The following UBXN7 variants were observed in gnomAD, a reference collection of about 807,000 sequenced individuals.
UBXN7 encodes the protein UBX domain protein 7.
Under a neutral mutation model 58.0 loss-of-function variants are expected in UBXN7, and 9 were observed. That is an observed-to-expected ratio of 0.16 (90% CI 0.09 to 0.27). UBXN7 has a LOEUF of 0.27. Ranked by LOEUF, UBXN7 falls within the 10% of genes least tolerant of loss-of-function variation. The probability of loss-of-function intolerance (pLI) is 1.00; values close to 1 mark genes in which losing one functional copy is unlikely to be tolerated. For missense variants in UBXN7, 328 were observed against 599.6 expected (o/e 0.55, Z 4.73); for synonymous variants, 208 against 205.0 (o/e 1.01, Z -0.12).
rs1728343541 is a variant in UBXN7 at position 196,356,239 on chromosome 3, G to C, written c.*446C>G. ...ATTTCTTCTCCCTGCTAAACACGGG[G>C]ACTTACAAAAAAGGGAGGGTTGTTC... On this transcript the variant is annotated 3_prime_UTR_variant, in exon 11 of 11. Coordinates refer to ENST00000296328, the MANE Select transcript of UBXN7 (RefSeq NM_015562.2). 1 of 153,032 alleles carries C rather than the reference G, an allele frequency of 6.5e-6. No homozygotes were observed. The highest frequency in any genetic ancestry group is 2.4e-5 in the African/African-American group (1 of 41,408). 9.5% of individuals were successfully genotyped at this position (153,032 alleles called of 1,614,324 possible).
chr3:196,422,055 C>T (rs1313752858), intron 1 of UBXN7, among the ~76,000 whole-genome samples: 2 of 151,900 alleles, frequency 1.3e-5, no homozygotes, highest in Non-Finnish European at 2.9e-5. Flanking sequence ...CAAAAATTAT[C>T]CAGGCAAGGT....
At chr3:196,366,009 C>T (rs769585972) in intron 8 of UBXN7, among the ~76,000 whole-genome samples, 9 of 151,976 alleles carry the variant, frequency 5.9e-5, no homozygotes, top group African/African-American at 1.2e-4. Context: ...AAGCAGAAAA[C>T]GACATTATAA....
At chr3:196,357,427 C>CAGGCT (rs1728379736) in intron 10 of UBXN7, among the ~76,000 whole-genome samples, 3 of 152,076 alleles carry the variant, frequency 2.0e-5, no homozygotes. Flanking sequence ...GATTCATTCA[C>CAGGCT]AGGCTAAGCT....
chr3:196,374,131 A>C (rs1728921232), intron 5 of UBXN7, among the ~76,000 whole-genome samples: 1 of 152,240 alleles, frequency 6.6e-6, no homozygotes, highest in South Asian at 2.1e-4. Context: ...AAAAATGACC[A>C]TACGTTCTAG....
At chr3:196,364,902 C>A (rs1004112645) in intron 8 of UBXN7, among the ~76,000 whole-genome samples, 3 of 151,856 alleles carry the variant, frequency 2.0e-5, no homozygotes, top group African/African-American at 7.3e-5. Flanking sequence ...AACTTACCAC[C>A]CCTAAAAAGC....
At chr3:196,419,209 G>A (rs1297366899) in intron 1 of UBXN7, among the ~76,000 whole-genome samples, 4 of 152,202 alleles carry the variant, frequency 2.6e-5, no homozygotes, top group South Asian at 4.1e-4. Context: ...CCCAGAAGGC[G>A]TAGGTTGCAG....
intron 5 of UBXN7, among the ~76,000 whole-genome samples, chr3:196,385,937 G>A (rs192264183): frequency 1.3e-5 from 2 of 152,208 alleles, no homozygotes; most frequent in Admixed American, 1.3e-4. Context: ...CGAATAGAAG[G>A]GGGGGAAATG....
chr3:196,422,341 C>T (rs368527561), intron 1 of UBXN7, among the ~76,000 whole-genome samples: 2 of 151,862 alleles, frequency 1.3e-5, no homozygotes, highest in African/African-American at 4.8e-5. Context: ...ATTAGCTGGG[C>T]ATGGTGGTGT....
At position 196,402,964 on chromosome 3, in the gene UBXN7, G is replaced by T; in HGVS notation, c.277C>A (p.Pro93Thr). 6.3e-7 allele frequency: 1 copy of T among 1,598,404 alleles called. No individual in the cohort carries two copies. The highest frequency in any genetic ancestry group is 8.5e-7 in the Non-Finnish European group (1 of 1,176,726). Residue 93 changes from proline to threonine, a missense_variant, in exon 3 of 11, where the codon CCA becomes ACA. Physicochemically the swap from Pro to Thr is conservative, Grantham distance 38 (BLOSUM62 -1). Around this residue, in one of 4 missense-constraint regions of UBXN7, gnomAD observed 106 missense variants for 124.3 expected, o/e 0.85. Transcript: ENST00000296328. ...QKQEILVEPE[P>T]LFGAPKRRRP... The stretch of plus-strand genomic sequence containing the variant: ...AAAGTGAACTTACCACCAAATAATG[G>T]TTCTGGTTCCACCAGTATTTCCTGC...
chr3:196,431,156 C>A (rs1731032318), intron 1 of UBXN7, among the ~76,000 whole-genome samples: 2 of 152,136 alleles, frequency 1.3e-5, no homozygotes, highest in South Asian at 4.2e-4. Context: ...ACGTTAAACT[C>A]TAGGAACATT....
intron 1 of UBXN7, among the ~76,000 whole-genome samples, chr3:196,417,696 A>C (rs1306980534): frequency 7.2e-6 from 1 of 138,904 alleles, no homozygotes; most frequent in Admixed American, 8.1e-5. Flanking sequence ...TGAGCTCACA[A>C]GTTTGAGACC....
chr3:196,371,633 T>C (rs976857095), intron 6 of UBXN7, among the ~76,000 whole-genome samples: 1 of 151,920 alleles, frequency 6.6e-6, no homozygotes, highest in Non-Finnish European at 1.5e-5. Flanking sequence ...AGGTGCCTGC[T>C]GCCACACCTG....
intron 1 of UBXN7, among the ~76,000 whole-genome samples, chr3:196,417,920 C>T (rs1245760014): frequency 2.7e-5 from 4 of 148,098 alleles, no homozygotes; most frequent in African/African-American, 7.5e-5. Flanking sequence ...AATCCTGTCT[C>T]TAAAAAAAAA....
At chr3:196,372,300 TTC>T (rs144595952) in intron 5 of UBXN7, among the ~76,000 whole-genome samples, 1,908 of 133,562 alleles carry the variant, frequency 0.014, 43 homozygotes, top group African/African-American at 0.044. Flanking sequence ...TAATAGCTGA[TTC>T]TCTCTCTCTC....
At chr3:196,385,138 G>C (rs1169357165) in intron 5 of UBXN7, among the ~76,000 whole-genome samples, 1 of 152,166 alleles carries the variant, frequency 6.6e-6, no homozygotes, top group Non-Finnish European at 1.5e-5. Context: ...GAGTGCCTGG[G>C]ATTGCAGGCG....
rs1347774471 is a variant in UBXN7, at chr3:196,374,271, AC to A, written c.469-2230del. ...GTCCAGAGTTTAAAATGGAAGAGTC[AC>A]TTTTTTTTTTCGCTTTTAAAAATTT... On this transcript the variant is annotated intron_variant, in intron 5 of 10. Transcript: ENST00000296328. 1.0e-4 allele frequency among the ~76,000 whole-genome samples: 14 copies of A among 138,550 alleles called. 1 individual carries two copies. In the South Asian group the frequency reaches 2.8e-3, roughly 28 times the overall value. The allele number at this position is 138,550 out of a possible 152,430, so 90.9% of individuals were successfully genotyped here.
At chr3:196,369,593 T>A in intron 6 of UBXN7, 82 bp from the exon 7 acceptor site, 1 of 927,118 alleles carries the variant, frequency 1.1e-6, no homozygotes, top group Non-Finnish European at 1.7e-6. Flanking sequence ...CAACATCAAT[T>A]AGCTCTCCAA....
chr3:196,359,685 A>T (rs11712853), intron 10 of UBXN7, among the ~76,000 whole-genome samples: 77,788 of 151,862 alleles, frequency 0.51, 20,549 homozygotes, highest in East Asian at 0.9. Context: ...TGGGTGGATC[A>T]CCTGAGGTCA....
intron 2 of UBXN7, among the ~76,000 whole-genome samples, chr3:196,405,728 C>A (rs1730143280): frequency 6.6e-6 from 1 of 152,052 alleles, no homozygotes; most frequent in Non-Finnish European, 1.5e-5. Flanking sequence ...CTGAGGGTAT[C>A]TGTACCAAGA....
Sources: gnomAD v4.1 joint callset for allele counts (sites outside exome capture counted in the v4.1 genomes callset) on GRCh38, gnomAD v4.1.1 for gene constraint, gnomAD v4.1.1 regional missense constraint, MANE v1.5 for transcripts, NCBI Gene and HGNC (gene_info 2026-07-23, HGNC 2026-07-21) for gene names.